VWC2: variants seen among roughly 807,000 people sequenced by gnomAD.
The protein encoded by VWC2 is von Willebrand factor C domain containing 2.
A neutral mutation model predicts 29.8 loss-of-function variants in VWC2; 14 were observed. The observed-to-expected ratio is 0.47, with a 90% CI of 0.31 to 0.74. The LOEUF (loss-of-function observed/expected upper bound fraction) is 0.74, where lower values mean the gene tolerates loss of function less well. VWC2 is among the 30% of genes least tolerant of loss of function. The pLI is 0.05. For synonymous variants in VWC2, 213 were observed against 199.0 expected (o/e 1.07, Z -0.59); for missense variants, 457 against 459.8 (o/e 0.99, Z 0.05).
intron 3 of VWC2, among the ~76,000 whole-genome samples, chr7:49,843,262 C>A (rs914851873): frequency 1.3e-5 from 2 of 152,152 alleles, no homozygotes; most frequent in African/African-American, 4.8e-5. Flanking sequence ...AATTCAAATT[C>A]TGGTTTAAAC....
intron 3 of VWC2, among the ~76,000 whole-genome samples, chr7:49,898,344 C>G (rs972027565): frequency 6.6e-6 from 1 of 151,076 alleles, no homozygotes; most frequent in Non-Finnish European, 1.5e-5. Flanking sequence ...TTCACTTATT[C>G]TTTCTATGAT....
chr7:49,869,473 A>T (rs115376123), intron 3 of VWC2, among the ~76,000 whole-genome samples: 7 of 152,222 alleles, frequency 4.6e-5, no homozygotes, highest in Non-Finnish European at 7.3e-5. Context: ...GGAAAAAATT[A>T]TCTTGTATAT....
intron 3 of VWC2, among the ~76,000 whole-genome samples, chr7:49,870,592 G>A (rs1791108231): frequency 6.6e-6 from 1 of 152,140 alleles, no homozygotes; most frequent in Non-Finnish European, 1.5e-5. Context: ...TGTCTTACGA[G>A]TAGGATTTTC....
chr7:49,816,291 ACCT>A (rs1789141077), intron 3 of VWC2, among the ~76,000 whole-genome samples: 1 of 152,174 alleles, frequency 6.6e-6, no homozygotes, highest in South Asian at 2.1e-4. Context: ...AATACATTTG[ACCT>A]CCTGAAAGTC....
chr7:49,801,735 A>G (rs367747164), intron 2 of VWC2, among the ~76,000 whole-genome samples: 1 of 152,248 alleles, frequency 6.6e-6, no homozygotes, highest in Non-Finnish European at 1.5e-5. Context: ...GTGGAAGAGG[A>G]CCTTGTGCTC....
intron 3 of VWC2, among the ~76,000 whole-genome samples, chr7:49,834,219 G>A (rs1200378717): frequency 6.6e-6 from 1 of 152,192 alleles, no homozygotes; most frequent in Admixed American, 6.5e-5. Flanking sequence ...TGTGGGTTAT[G>A]TGGGCCTTGA....
chr7:49,809,663 G>C (rs985928616), intron 3 of VWC2, among the ~76,000 whole-genome samples: 2 of 151,928 alleles, frequency 1.3e-5, no homozygotes, highest in African/African-American at 4.8e-5. Flanking sequence ...ACCATATAAA[G>C]AATTATACAC....
At chr7:49,802,392 C>G (rs1788760592) in intron 2 of VWC2, among the ~76,000 whole-genome samples, 1 of 152,118 alleles carries the variant, frequency 6.6e-6, no homozygotes, top group Non-Finnish European at 1.5e-5. Context: ...AATCCCAGCA[C>G]TTTGGGAGGC....
intron 3 of VWC2, among the ~76,000 whole-genome samples, chr7:49,855,714 GT>G (rs1295191945): frequency 3.3e-5 from 5 of 152,164 alleles, no homozygotes; most frequent in Non-Finnish European, 5.9e-5. Context: ...GCAAAAACGA[GT>G]CCCCTGAGGG....
intron 3 of VWC2, among the ~76,000 whole-genome samples, chr7:49,866,442 A>G (rs1034240333): frequency 2.6e-5 from 4 of 152,180 alleles, no homozygotes; most frequent in African/African-American, 9.7e-5. Flanking sequence ...TTGCGAGTGC[A>G]GTAGTGAGCC....
chr7:49,904,393 A>G (rs774691970), intron 3 of VWC2, among the ~76,000 whole-genome samples: 21 of 152,246 alleles, frequency 1.4e-4, no homozygotes, highest in Non-Finnish European at 2.5e-4. Context: ...TGCAACTTCC[A>G]GGTTTGATTT....
At chr7:49,870,989 A>G (rs1418746806) in intron 3 of VWC2, among the ~76,000 whole-genome samples, 1 of 152,230 alleles carries the variant, frequency 6.6e-6, no homozygotes, top group Non-Finnish European at 1.5e-5. Context: ...TTGATAATCA[A>G]AATGGTAAAA....
At chr7:49,777,534 G>C (rs1460091197) in intron 2 of VWC2, among the ~76,000 whole-genome samples, 1 of 152,170 alleles carries the variant, frequency 6.6e-6, no homozygotes, top group Non-Finnish European at 1.5e-5. Context: ...TTATCTGTAA[G>C]ATAAGGGGCC....
rs1794024047 is a variant in VWC2 at position 49,921,665 on chromosome 7, C to T, written c.*9480C>T. On this transcript the variant is annotated 3_prime_UTR_variant, in exon 4 of 4. Coordinates refer to ENST00000340652, the MANE Select transcript of VWC2 (RefSeq NM_198570.5). ...CAAGATCTATGTAAAGTGTTTATAA[C>T]ATAATACATTGGAATATGAGACTTG... 6.6e-6 allele frequency: 1 copy of T among 152,228 alleles called. No homozygotes were observed. Among genetic ancestry groups the T allele is most frequent in the South Asian group, 2.1e-4 (1 of 4,832 alleles). 9.4% of individuals were successfully genotyped at this position (152,228 alleles called of 1,614,324 possible).
intron 3 of VWC2, among the ~76,000 whole-genome samples, chr7:49,810,066 AT>A (rs1197630630): frequency 6.6e-6 from 1 of 151,946 alleles, no homozygotes; most frequent in Non-Finnish European, 1.5e-5. Flanking sequence ...ATTAAGAAGT[AT>A]AACTGCCTTT....
chr7:49,848,007 A>G (rs986495175), intron 3 of VWC2, among the ~76,000 whole-genome samples: 1 of 152,204 alleles, frequency 6.6e-6, no homozygotes, highest in African/African-American at 2.4e-5. Flanking sequence ...AAAATGAGAT[A>G]GGGCTAGCAC....
chr7:49,892,403 C>G (rs1166677982), intron 3 of VWC2, among the ~76,000 whole-genome samples: 1 of 152,104 alleles, frequency 6.6e-6, no homozygotes, highest in Non-Finnish European at 1.5e-5. Flanking sequence ...ATAAGTAAAG[C>G]TACTTCGACA....
At chr7:49,857,009 CAAAAAAAAAAAAAAAA>C (rs59910243) in intron 3 of VWC2, among the ~76,000 whole-genome samples, 1 of 52,764 alleles carries the variant, frequency 1.9e-5, no homozygotes, top group African/African-American at 7.9e-5. Flanking sequence ...GATACTGTCT[CAAAAAAAAAAAAAAAA>C]AAAAAAAAAA....
intron 3 of VWC2, among the ~76,000 whole-genome samples, chr7:49,830,768 G>A (rs945145314): frequency 2.0e-5 from 3 of 152,076 alleles, no homozygotes; most frequent in African/African-American, 7.2e-5. Flanking sequence ...AACATGTGGT[G>A]TTTGGTTTTT....
Sources: gnomAD v4.1 joint callset for allele counts (sites outside exome capture counted in the v4.1 genomes callset) on GRCh38, gnomAD v4.1.1 for gene constraint, MANE v1.5 for transcripts, NCBI Gene and HGNC (gene_info 2026-07-23, HGNC 2026-07-21) for gene names.